GABRB1: variants seen among roughly 807,000 people sequenced by gnomAD.
GABRB1 encodes gamma-aminobutyric acid type A receptor subunit beta1, also known as gamma-aminobutyric acid receptor subunit beta-1.
GABRB1 carries 17 observed loss-of-function variants against 51.6 expected under a neutral mutation model. The ratio of observed to expected loss-of-function variants is 0.33; its 90% confidence interval spans 0.23 to 0.49. The LOEUF is 0.49. Among genes scored for constraint, GABRB1 ranks in the 20% least tolerant of loss-of-function variants. GABRB1 has a pLI of 0.99. For synonymous variants in GABRB1, 247 were observed against 218.9 expected (o/e 1.13, Z -1.14); for missense variants, 410 against 600.6 (o/e 0.68, Z 3.32).
At chr4:47,080,655 G>T (rs1218817481) in intron 3 of GABRB1, among the ~76,000 whole-genome samples, 1 of 152,138 alleles carries the variant, frequency 6.6e-6, no homozygotes, top group Non-Finnish European at 1.5e-5. Flanking sequence ...GGGCTCAAGG[G>T]ATCCTCATGC....
intron 5 of GABRB1, among the ~76,000 whole-genome samples, chr4:47,332,734 T>C (rs536267898): frequency 2.0e-5 from 3 of 152,192 alleles, no homozygotes; most frequent in South Asian, 2.1e-4. Flanking sequence ...TGTTTTTTTT[T>C]CCTCTTCTCT....
At chr4:47,337,484 G>A (rs1725739406) in intron 5 of GABRB1, among the ~76,000 whole-genome samples, 1 of 151,862 alleles carries the variant, frequency 6.6e-6, no homozygotes, top group South Asian at 2.1e-4. Flanking sequence ...AATCATGGAG[G>A]GCTAAGAACT....
At chr4:47,360,568 A>G (rs1030968951) in intron 5 of GABRB1, among the ~76,000 whole-genome samples, 1 of 152,054 alleles carries the variant, frequency 6.6e-6, no homozygotes, top group South Asian at 2.1e-4. Flanking sequence ...TTTCAAAGGT[A>G]TTTTCTGCTA....
intron 3 of GABRB1, among the ~76,000 whole-genome samples, chr4:47,123,774 CAT>C (rs1311048653): frequency 1.4e-5 from 1 of 72,640 alleles, no homozygotes; most frequent in African/African-American, 5.7e-5. Flanking sequence ...TATTATATAT[CAT>C]ATATTATTAT....
chr4:47,137,494 T>C (rs371669454), intron 3 of GABRB1, among the ~76,000 whole-genome samples: 1 of 152,132 alleles, frequency 6.6e-6, no homozygotes, highest in African/African-American at 2.4e-5. Context: ...GTCCACCTAA[T>C]ACAGATGTTC....
chr4:47,062,905 A>G (rs559330366), intron 3 of GABRB1, among the ~76,000 whole-genome samples: 81 of 152,266 alleles, frequency 5.3e-4, no homozygotes, highest in Middle Eastern at 3.4e-3. Context: ...ACCAAGCCAT[A>G]CTATCCCTTC....
chr4:47,409,093 T>C (rs1344424006), intron 8 of GABRB1, among the ~76,000 whole-genome samples: 1 of 152,182 alleles, frequency 6.6e-6, no homozygotes, highest in Non-Finnish European at 1.5e-5. Context: ...AGGGGGAGCA[T>C]GCAGACGGGC....
At chr4:47,129,802 T>C (rs1478034885) in intron 3 of GABRB1, among the ~76,000 whole-genome samples, 2 of 151,560 alleles carry the variant, frequency 1.3e-5, no homozygotes, top group African/African-American at 2.4e-5. Context: ...CATCAAGTGT[T>C]CAAAGAACCC....
At chr4:47,403,822 C>T in intron 7 of GABRB1, 111 bp downstream of exon 7, 1 of 986,326 alleles carries the variant, frequency 1.0e-6, no homozygotes, top group Non-Finnish European at 1.5e-6. Context: ...AGAATTAGAT[C>T]ATCTTACAAG....
At chr4:47,091,938 TAAATCA>T (rs1398867896) in intron 3 of GABRB1, among the ~76,000 whole-genome samples, 45 of 152,154 alleles carry the variant, frequency 3.0e-4, no homozygotes, top group African/African-American at 9.4e-4. Flanking sequence ...TTTTCCTGGT[TAAATCA>T]CACTCCATCT....
intron 3 of GABRB1, among the ~76,000 whole-genome samples, chr4:47,109,731 A>G (rs1715136620): frequency 6.6e-6 from 1 of 152,168 alleles, no homozygotes; most frequent in Admixed American, 6.5e-5. Flanking sequence ...GGTAGATTTA[A>G]AGATGCAATT....
chr4:47,263,196 TAATA>T (rs60437394), intron 4 of GABRB1, among the ~76,000 whole-genome samples: 28,312 of 149,326 alleles, frequency 0.19, 2,759 homozygotes, highest in East Asian at 0.24. Context: ...AGTATAATAA[TAATA>T]AATAAATAAA....
At position 47,159,422 on chromosome 4, in the gene GABRB1, T is replaced by A. The variant is rs1328795192; in HGVS notation, c.241-1827T>A. Reference sequence around the variant, plus strand: ...AAACCCATAATCTGCCCAATTCATTTTCCTCCAAAAAGTCACAATGTTAAG... The same window carrying A: ...AAACCCATAATCTGCCCAATTCATTATCCTCCAAAAAGTCACAATGTTAAG... On this transcript the variant is annotated intron_variant, in intron 3 of 8. Coordinates refer to ENST00000295454, the MANE Select transcript of GABRB1 (RefSeq NM_000812.4). Among the ~76,000 whole-genome samples, 3 of 152,102 alleles carry A rather than the reference T, an allele frequency of 2.0e-5. No individual in the cohort carries two copies. In the East Asian group the frequency reaches 5.8e-4, roughly 29 times the overall value.
intron 4 of GABRB1, 62 bp from the exon 5 acceptor site, chr4:47,320,065 G>A (rs1365102363): frequency 8.8e-7 from 1 of 1,136,508 alleles, no homozygotes; most frequent in South Asian, 1.2e-5. Flanking sequence ...GGGCTAGGAA[G>A]CCTGGAAATG....
intron 3 of GABRB1, among the ~76,000 whole-genome samples, chr4:47,067,159 A>C (rs559688972): frequency 6.6e-6 from 1 of 152,182 alleles, no homozygotes; most frequent in Non-Finnish European, 1.5e-5. Context: ...GATCTTAACA[A>C]TGTGCTTACT....
At chr4:47,171,590 A>G (rs974091073) in intron 4 of GABRB1, among the ~76,000 whole-genome samples, 2 of 152,090 alleles carry the variant, frequency 1.3e-5, no homozygotes, top group Admixed American at 6.6e-5. Context: ...GTATGTATTG[A>G]TGTGTATACA....
chr4:47,382,118 A>G lies in GABRB1; in HGVS notation c.545-21200A>G, dbSNP rs563905771. Among the ~76,000 whole-genome samples, 188 of 152,364 alleles carry G rather than the reference A, an allele frequency of 1.2e-3. 2 individuals are homozygous for G. The highest frequency in any genetic ancestry group is 4.3e-3 in the African/African-American group (177 of 41,586). ...AATAGAATAGAATCTAGGTATAATT[A>G]TGCACCACATGTTACATCACCAAAA... On this transcript the variant is annotated intron_variant, in intron 5 of 8. Coordinates refer to ENST00000295454, the MANE Select transcript of GABRB1 (RefSeq NM_000812.4).
At chr4:47,036,301 C>T (rs1008275592) in intron 3 of GABRB1, among the ~76,000 whole-genome samples, 4 of 152,158 alleles carry the variant, frequency 2.6e-5, no homozygotes, top group African/African-American at 9.7e-5. Flanking sequence ...GTACATACTT[C>T]AATTATATCT....
At chr4:47,094,627 T>A (rs1714309328) in intron 3 of GABRB1, among the ~76,000 whole-genome samples, 1 of 151,528 alleles carries the variant, frequency 6.6e-6, no homozygotes, top group Admixed American at 6.6e-5. Context: ...GGGTGGGAAG[T>A]GAGAGAGGAT....
Sources: gnomAD v4.1 joint callset for allele counts (sites outside exome capture counted in the v4.1 genomes callset) on GRCh38, gnomAD v4.1.1 for gene constraint, MANE v1.5 for transcripts, NCBI Gene and HGNC (gene_info 2026-07-23, HGNC 2026-07-21) for gene names.